The following BIRC6 variants were observed in gnomAD, a reference collection of about 807,000 sequenced individuals.
BIRC6 encodes dual E2 ubiquitin-conjugating enzyme/E3 ubiquitin-protein ligase BIRC6.
In BIRC6, 98 loss-of-function variants were observed where a neutral mutation model predicts 503.3. That is an observed-to-expected ratio of 0.19 (90% CI 0.17 to 0.23). The LOEUF (loss-of-function observed/expected upper bound fraction) is 0.23, where lower values mean the gene tolerates loss of function less well. BIRC6 is among the 10% of genes least tolerant of loss of function. The pLI is 1.00. For synonymous variants in BIRC6, 2,240 were observed against 2,078.7 expected (o/e 1.08, Z -2.11); for missense variants, 5,360 against 5,806.0 (o/e 0.92, Z 2.50).
At chr2:32,398,542 A>T (rs1362209913) in intron 6 of BIRC6, among the ~76,000 whole-genome samples, 3 of 152,166 alleles carry the variant, frequency 2.0e-5, no homozygotes, top group Non-Finnish European at 1.5e-5. Context: ...TTTATTTTTA[A>T]AATTTTTTTT....
chr2:32,474,172 TA>T (rs35562954), intron 33 of BIRC6, among the ~76,000 whole-genome samples: 10 of 152,156 alleles, frequency 6.6e-5, no homozygotes, highest in Non-Finnish European at 1.3e-4. Flanking sequence ...TTTTTATATT[TA>T]AAAAATTTTT....
chr2:32,604,173 C>T (rs1285347635), intron 71 of BIRC6, among the ~76,000 whole-genome samples: 1 of 151,988 alleles, frequency 6.6e-6, no homozygotes. Context: ...ATCTTATGCC[C>T]CTTTTACAGA....
intron 66 of BIRC6, among the ~76,000 whole-genome samples, chr2:32,580,001 T>A (rs1412636133): frequency 1.3e-5 from 2 of 150,492 alleles, no homozygotes; most frequent in Non-Finnish European, 3.0e-5. Flanking sequence ...TCGGCCAGGC[T>A]GGAGTGCAGT....
intron 66 of BIRC6, among the ~76,000 whole-genome samples, chr2:32,583,907 AT>A (rs2060856422): frequency 6.6e-6 from 1 of 151,914 alleles, no homozygotes; most frequent in African/African-American, 2.4e-5. Context: ...ATTTTTTTGT[AT>A]TTTTGTAGAG....
chr2:32,371,300 AG>A (rs1321527140), intron 1 of BIRC6, among the ~76,000 whole-genome samples: 1 of 152,026 alleles, frequency 6.6e-6, no homozygotes, highest in Admixed American at 6.6e-5. Context: ...CTAAGGAAAA[AG>A]TAAGTACGTA....
At chr2:32,500,632 G>T (rs539015702) in intron 46 of BIRC6, among the ~76,000 whole-genome samples, 19 of 119,308 alleles carry the variant, frequency 1.6e-4, no homozygotes, top group African/African-American at 5.2e-4. Context: ...TTGAGATGAA[G>T]TCTTGCTCTG....
intron 49 of BIRC6, among the ~76,000 whole-genome samples, chr2:32,504,527 C>T (rs530234247): frequency 4.0e-4 from 61 of 151,874 alleles, no homozygotes; most frequent in African/African-American, 1.4e-3. Flanking sequence ...ATTAGCTGGG[C>T]GTGGTTGCAG....
chr2:32,433,218 G>A (rs1375060200), intron 12 of BIRC6, among the ~76,000 whole-genome samples: 1 of 152,070 alleles, frequency 6.6e-6, no homozygotes, highest in Non-Finnish European at 1.5e-5. Context: ...TAAATTTAGT[G>A]GAGGAGTTTG....
At chr2:32,611,801 G>A (rs1483631389) in intron 73 of BIRC6, among the ~76,000 whole-genome samples, 1 of 152,164 alleles carries the variant, frequency 6.6e-6, no homozygotes, top group Non-Finnish European at 1.5e-5. Flanking sequence ...TGGGTCCAAG[G>A]ACTGAGACAA....
In BIRC6 at chr2:32,509,034, A is replaced by G. The variant is rs375411352; in HGVS notation, c.9981-704A>G. Among the ~76,000 whole-genome samples, 6 of 144,626 alleles carry G rather than the reference A, an allele frequency of 4.1e-5. No individual in the cohort carries two copies. In the South Asian group the frequency reaches 1.4e-3, roughly 34 times the overall value. 94.9% of individuals were successfully genotyped at this position (144,626 alleles called of 152,430 possible). On this transcript the variant is annotated intron_variant, in intron 51 of 73. Transcript: ENST00000421745. ...CAGTGAGCCACGATTCCACCACTGC[A>G]CTCCAGCCTGGGTGAGAGTGAACTC...
intron 41 of BIRC6, among the ~76,000 whole-genome samples, chr2:32,488,269 G>T (rs1045745512): frequency 6.6e-6 from 1 of 151,814 alleles, no homozygotes; most frequent in Non-Finnish European, 1.5e-5. Context: ...CTTGAGCCCA[G>T]GAGTTCAAGA....
At chr2:32,531,652 TA>T in intron 61 of BIRC6, 101 bp downstream of exon 61, 1 of 1,045,054 alleles carries the variant, frequency 9.6e-7, no homozygotes, top group Middle Eastern at 3.1e-4. Flanking sequence ...TTTGTAGAAA[TA>T]CCCTTTGCTT....
chr2:32,386,670 G>A (rs763700782), intron 3 of BIRC6, among the ~76,000 whole-genome samples: 2 of 152,014 alleles, frequency 1.3e-5, no homozygotes, highest in Non-Finnish European at 2.9e-5. Flanking sequence ...AGACGTTTAG[G>A]CTCAAACGAA....
Position 32,482,438 on chromosome 2 carries a change from A to G in BIRC6, c.7552A>G (p.Ser2518Gly). ...LAAKVFKPIS[S>G]TWYDYWGADY... Reference sequence around the variant, plus strand: ...TTTCCATTCTTTTAAGCCAATAAGCAGTACATGGTATGATTATTGGGGTGC... The same window carrying G: ...TTTCCATTCTTTTAAGCCAATAAGCGGTACATGGTATGATTATTGGGGTGC... The change falls in exon 39 of 74, where the codon AGT (serine) becomes GGT (glycine). Residue 2518 changes from serine to glycine, a missense_variant. Ser to Gly is a moderately conservative substitution (Grantham distance 56). Coordinates refer to ENST00000421745, the MANE Select transcript of BIRC6 (RefSeq NM_016252.4). 2 of 1,613,202 alleles carry G rather than the reference A, an allele frequency of 1.2e-6. No homozygotes were observed. Among genetic ancestry groups the G allele is most frequent in the Non-Finnish European group, 1.7e-6 (2 of 1,179,554 alleles).
chr2:32,574,234 C>T (rs1015508383), intron 65 of BIRC6, among the ~76,000 whole-genome samples: 2 of 147,462 alleles, frequency 1.4e-5, no homozygotes, highest in African/African-American at 2.5e-5. Context: ...TGATCTTGTC[C>T]TCCCCAGTTG....
intron 4 of BIRC6, among the ~76,000 whole-genome samples, chr2:32,389,694 G>T (rs1573864748): frequency 1.3e-5 from 2 of 152,076 alleles, no homozygotes; most frequent in Admixed American, 1.3e-4. Context: ...TTTTCATGTA[G>T]TATTTATTTA....
In BIRC6 at chr2:32,416,147, G is replaced by A; in HGVS notation, c.2856G>A (p.Leu952=). ...TTTACTGTTCTGGCACAGACAGGCT[G>A]TGTGCATGCACCAAAGGTAAGTTGT... is the stretch of plus-strand genomic sequence containing the variant. ...SVIYCSGTDR[L]CACTKGGELH... Residue 952 remains leucine, a synonymous_variant, in exon 10 of 74, where the codon CTG becomes CTA. Coordinates refer to ENST00000421745, the MANE Select transcript of BIRC6 (RefSeq NM_016252.4). 1 of 1,603,826 alleles carries A rather than the reference G, an allele frequency of 6.2e-7. No homozygotes were observed. Among genetic ancestry groups the A allele is most frequent in the Non-Finnish European group, 8.5e-7 (1 of 1,174,874 alleles).
chr2:32,599,598 A>G, intron 69 of BIRC6, 141 bp from the exon 70 acceptor site: 1 of 757,078 alleles, frequency 1.3e-6, no homozygotes, highest in Non-Finnish European at 2.1e-6. Flanking sequence ...AGATTGCGCC[A>G]CTGCACTCCA....
chr2:32,439,266 G>A (rs574255244), intron 15 of BIRC6, among the ~76,000 whole-genome samples: 2 of 152,162 alleles, frequency 1.3e-5, no homozygotes, highest in South Asian at 4.2e-4. Flanking sequence ...CATGCCAAAT[G>A]TTTATCTCAA....
Sources: allele counts gnomAD v4.1 joint callset (sites outside exome capture counted in the v4.1 genomes callset), GRCh38; gene constraint gnomAD v4.1.1; transcripts MANE v1.5; gene names NCBI Gene and HGNC (gene_info 2026-07-23, HGNC 2026-07-21).